Variants in SHISA6 observed in about 807,000 individuals in gnomAD.
SHISA6 encodes protein shisa-6.
SHISA6 carries 22 observed loss-of-function variants against 47.9 expected under a neutral mutation model. That is an observed-to-expected ratio of 0.46 (90% CI 0.33 to 0.66). SHISA6 has a LOEUF of 0.66. Ranked by LOEUF, SHISA6 falls within the 30% of genes least tolerant of loss-of-function variation. The pLI is 0.02. For missense variants in SHISA6, 680 were observed against 764.6 expected, an observed-to-expected ratio of 0.89 and a Z score of 1.30; for synonymous variants, 388 against 337.8, an observed-to-expected ratio of 1.15 and a Z score of -1.63.
rs181265210 is a variant in SHISA6 at position 11,283,011 on chromosome 17, C to T, written c.799+19485C>T. 3.9e-5 allele frequency among the ~76,000 whole-genome samples: 6 copies of T among 152,232 alleles called. No homozygotes were observed. In the East Asian group the frequency reaches 9.7e-4, roughly 25 times the overall value. ...CTCCAGGATAGTTTCATTGATCTAGCGAAGTGTAAAGATCATTGAATTTGG... is the reference window on the plus strand; with the variant it reads ...CTCCAGGATAGTTTCATTGATCTAGTGAAGTGTAAAGATCATTGAATTTGG... On this transcript the variant is annotated intron_variant, in intron 2 of 5. Transcript: ENST00000441885.
intron 3 of SHISA6, among the ~76,000 whole-genome samples, chr17:11,525,631 C>CAAAAAAAAAAA (rs548619604): frequency 1.0e-4 from 6 of 58,902 alleles, no homozygotes; most frequent in African/African-American, 2.8e-4. Context: ...GACTCCGTCT[C>CAAAAAAAAAAA]AAAAAAAAAA....
At chr17:11,524,755 T>TC (rs1431181645) in intron 3 of SHISA6, among the ~76,000 whole-genome samples, 2 of 152,216 alleles carry the variant, frequency 1.3e-5, no homozygotes, top group African/African-American at 4.8e-5. Flanking sequence ...CGCCTTGGCC[T>TC]CCCAAAGTGC....
chr17:11,343,066 T>A, intron 2 of SHISA6, among the ~76,000 whole-genome samples: 1 of 152,236 alleles, frequency 6.6e-6, no homozygotes, highest in East Asian at 1.9e-4. Flanking sequence ...AGCCTGAAGA[T>A]ACACACAGCT....
Position 11,241,758 on chromosome 17 carries a change from C to T in SHISA6, c.336C>T (p.Asn112=), listed in dbSNP as rs1206362657. ...GQYDKEFECN[N]SESGYLYCCG... is the part of the protein sequence containing the mutation. ...ACGACAAGGAGTTCGAGTGTAACAACAGCGAGAGCGGCTACCTGTACTGCT... is the reference window on the plus strand; with the variant it reads ...ACGACAAGGAGTTCGAGTGTAACAATAGCGAGAGCGGCTACCTGTACTGCT... The change falls in exon 1 of 6, where the codon AAC becomes AAT. Residue 112 remains asparagine, a synonymous_variant. Transcript: ENST00000441885. The surrounding 1 kb of genome is among the most constrained non-coding windows in gnomAD (Gnocchi z 5.5). 2 of 1,547,810 alleles carry T rather than the reference C, an allele frequency of 1.3e-6. No individual in the cohort carries two copies. The highest frequency in any genetic ancestry group is 1.7e-6 in the Non-Finnish European group (2 of 1,146,966).
Position 11,241,461 on chromosome 17 carries a change from G to GCT in SHISA6, c.40_41dup (p.Glu15TrpfsTer22). The GCT allele has an allele frequency of 8.3e-7, 1 of 1,211,430 alleles. No homozygotes were observed. Among genetic ancestry groups the GCT allele is most frequent in the Non-Finnish European group, 1.0e-6 (1 of 957,060 alleles). 75.0% of individuals were successfully genotyped at this position (1,211,430 alleles called of 1,614,324 possible). A position where few individuals can be genotyped will look rare whatever the true frequency, so the allele number is the denominator to read the frequency against. On this transcript the variant is annotated frameshift_variant, in exon 1 of 6. Coordinates refer to ENST00000441885, the MANE Select transcript of SHISA6 (RefSeq NM_207386.4). LOFTEE classifies it high-confidence loss of function. The surrounding 1 kb of genome is among the most constrained non-coding windows in gnomAD (Gnocchi z 5.5). ...GCCTCCTGCTGCTGCTGCTGCTCTC[G>GCT]CTGGAGTCCCTGGACCTGCTGCCCA... is the stretch of plus-strand genomic sequence containing the variant.
At chr17:11,452,337 A>G (rs1003521789) in intron 3 of SHISA6, among the ~76,000 whole-genome samples, 4 of 152,150 alleles carry the variant, frequency 2.6e-5, no homozygotes, top group Admixed American at 1.3e-4. Flanking sequence ...TTTGTCCCCC[A>G]TGTGCTCACA....
intron 3 of SHISA6, among the ~76,000 whole-genome samples, chr17:11,466,419 C>A (rs554756428): frequency 6.6e-6 from 1 of 152,226 alleles, no homozygotes; most frequent in African/African-American, 2.4e-5. Context: ...CACCCAAGGT[C>A]CCCCAGTGGG....
intron 2 of SHISA6, among the ~76,000 whole-genome samples, chr17:11,335,370 C>T (rs1221866593): frequency 2.0e-5 from 3 of 152,126 alleles, no homozygotes; most frequent in Non-Finnish European, 1.5e-5. Context: ...TGAACATGCT[C>T]CTTCTCCAGG....
chr17:11,371,872 C>T (rs1597480766), intron 2 of SHISA6, among the ~76,000 whole-genome samples: 1 of 152,094 alleles, frequency 6.6e-6, no homozygotes, highest in Non-Finnish European at 1.5e-5. Flanking sequence ...TGCCTCCCTC[C>T]CATCAGCCCC....
intron 2 of SHISA6, among the ~76,000 whole-genome samples, chr17:11,283,053 A>G (rs185581615): frequency 2.6e-4 from 40 of 152,350 alleles, no homozygotes; most frequent in Admixed American, 1.2e-3. Flanking sequence ...AGACCTAGAT[A>G]TTGTCCCAAC....
At chr17:11,448,363 C>T (rs1915292461) in intron 3 of SHISA6, among the ~76,000 whole-genome samples, 1 of 151,792 alleles carries the variant, frequency 6.6e-6, no homozygotes, top group Non-Finnish European at 1.5e-5. Flanking sequence ...GACCCTGGCT[C>T]TAAAAAGATA....
chr17:11,388,790 T>A (rs543605376), intron 3 of SHISA6, among the ~76,000 whole-genome samples: 60 of 50,010 alleles, frequency 1.2e-3, no homozygotes, highest in Admixed American at 3.2e-3. Flanking sequence ...AAACAAAAGT[T>A]TATATATATA....
At chr17:11,253,157 C>T (rs1907878805) in intron 1 of SHISA6, among the ~76,000 whole-genome samples, 1 of 152,166 alleles carries the variant, frequency 6.6e-6, no homozygotes, top group Non-Finnish European at 1.5e-5. Context: ...TCCATCTGTC[C>T]TTGTTTTGAT....
chr17:11,281,795 A>C (rs1909128354), intron 2 of SHISA6, among the ~76,000 whole-genome samples: 1 of 152,168 alleles, frequency 6.6e-6, no homozygotes, highest in African/African-American at 2.4e-5. Flanking sequence ...TCAATTTTTA[A>C]AATAAGTGTA....
intron 2 of SHISA6, among the ~76,000 whole-genome samples, chr17:11,286,801 A>G (rs1909313931): frequency 6.6e-6 from 1 of 152,198 alleles, no homozygotes; most frequent in East Asian, 1.9e-4. Flanking sequence ...ATGAATTGGG[A>G]ACCTCTTAGA....
intron 2 of SHISA6, among the ~76,000 whole-genome samples, chr17:11,378,589 G>T (rs1004329845): frequency 3.3e-5 from 5 of 152,096 alleles, no homozygotes; most frequent in Non-Finnish European, 7.3e-5. Flanking sequence ...TATTTCAAGC[G>T]TACTGCAAAA....
chr17:11,301,839 C>T (rs1250805988), intron 2 of SHISA6, among the ~76,000 whole-genome samples: 1 of 152,118 alleles, frequency 6.6e-6, no homozygotes, highest in Non-Finnish European at 1.5e-5. Context: ...GCTTTAGGAG[C>T]CTTGTATTCG....
At chr17:11,422,329 G>C (rs1486063459) in intron 3 of SHISA6, among the ~76,000 whole-genome samples, 1 of 152,150 alleles carries the variant, frequency 6.6e-6, no homozygotes, top group African/African-American at 2.4e-5. Context: ...GGAGGTGCAA[G>C]ACCATACCTG....
chr17:11,415,665 C>T (rs11656625), intron 3 of SHISA6, among the ~76,000 whole-genome samples: 33,422 of 152,118 alleles, frequency 0.22, 3,899 homozygotes, highest in South Asian at 0.37. Context: ...ATGACACTTA[C>T]GTCTATTAAA....
Sources: gnomAD v4.1 joint callset for allele counts (sites outside exome capture counted in the v4.1 genomes callset) on GRCh38, gnomAD v4.1.1 for gene constraint, Gnocchi (gnomAD v3.1) non-coding constraint, MANE v1.5 for transcripts, NCBI Gene and HGNC (gene_info 2026-07-23, HGNC 2026-07-21) for gene names.